FHOD3: variants seen among roughly 807,000 people sequenced by gnomAD.
FHOD3 encodes FH1/FH2 domain-containing protein 3.
A neutral mutation model predicts 173.0 loss-of-function variants in FHOD3; 90 were observed. The ratio of observed to expected loss-of-function variants is 0.52; its 90% CI spans 0.44 to 0.62. The LOEUF is 0.62. FHOD3 is among the 20% of genes least tolerant of loss of function. FHOD3 has a pLI of 0.00. For synonymous variants in FHOD3, 828 were observed against 823.0 expected (o/e 1.01, Z -0.10); for missense variants, 1,945 against 2,034.7 (o/e 0.96, Z 0.85).
intron 10 of FHOD3, among the ~76,000 whole-genome samples, chr18:36,637,620 C>T (rs2034985387): frequency 6.6e-6 from 1 of 152,172 alleles, no homozygotes. Context: ...GAACATGAAC[C>T]TTACAAAACA....
chr18:36,365,330 A>C (rs1271111621), intron 2 of FHOD3, among the ~76,000 whole-genome samples: 3 of 152,256 alleles, frequency 2.0e-5, no homozygotes, highest in Admixed American at 6.5e-5. Context: ...TGAAAACACA[A>C]GCCACAGAAT....
Position 36,726,688 on chromosome 18 carries a change from T to C in FHOD3, c.3418-3958T>C, listed in dbSNP as rs561743906. ...GTGCCTCTTTTTTTTCTTTTCTTTT[T>C]TTTTGAGATGGAGTCTCACTCTGTC... On this transcript the variant is annotated intron_variant, in intron 19 of 28. Transcript: ENST00000590592. Among the ~76,000 whole-genome samples, 13 of 152,314 alleles carry C rather than the reference T, an allele frequency of 8.5e-5. No homozygotes were observed. The South Asian group carries it at 2.7e-3, about 32-fold the overall frequency.
intron 18 of FHOD3, among the ~76,000 whole-genome samples, chr18:36,716,582 T>G (rs1285202640): frequency 6.6e-6 from 1 of 151,978 alleles, no homozygotes; most frequent in Non-Finnish European, 1.5e-5. Context: ...TCCAAGGACA[T>G]TTAAAGGTTA....
At chr18:36,743,612 G>A (rs2042014787) in intron 22 of FHOD3, among the ~76,000 whole-genome samples, 1 of 152,138 alleles carries the variant, frequency 6.6e-6, no homozygotes, top group African/African-American at 2.4e-5. Context: ...ATGTGCCCTG[G>A]TAGTTTGCTG....
chr18:36,659,848 C>G (rs2036664820), intron 14 of FHOD3, among the ~76,000 whole-genome samples: 1 of 152,212 alleles, frequency 6.6e-6, no homozygotes, highest in African/African-American at 2.4e-5. Context: ...ACTGGAATCC[C>G]AGGTCCAGGT....
chr18:36,493,215 T>A (rs1016975007), intron 3 of FHOD3, among the ~76,000 whole-genome samples: 7 of 29,456 alleles, frequency 2.4e-4, no homozygotes, highest in African/African-American at 8.0e-4. Flanking sequence ...TTCTTTTTCT[T>A]TTTTTTTTTT....
intron 1 of FHOD3, among the ~76,000 whole-genome samples, chr18:36,304,755 G>C (rs780554032): frequency 2.0e-5 from 3 of 152,226 alleles, no homozygotes; most frequent in Non-Finnish European, 4.4e-5. Context: ...TGCTAAGGTA[G>C]AGATATTATA....
intron 1 of FHOD3, among the ~76,000 whole-genome samples, chr18:36,304,198 G>A (rs544750111): frequency 8.5e-5 from 13 of 152,290 alleles, no homozygotes; most frequent in African/African-American, 2.6e-4. Flanking sequence ...TAACTTTAAA[G>A]TGTGATAATA....
chr18:36,695,516 A>G (rs1433532026), intron 17 of FHOD3, among the ~76,000 whole-genome samples: 1 of 152,208 alleles, frequency 6.6e-6, no homozygotes, highest in African/African-American at 2.4e-5. Flanking sequence ...TTCTAGCATC[A>G]TTTGATGTTG....
chr18:36,543,383 A>C (rs1459016334), intron 5 of FHOD3, among the ~76,000 whole-genome samples: 1 of 152,110 alleles, frequency 6.6e-6, no homozygotes, highest in Admixed American at 6.5e-5. Context: ...CCTTTCAGAG[A>C]GATCCACTAG....
At chr18:36,303,337 C>T (rs1362639339) in intron 1 of FHOD3, among the ~76,000 whole-genome samples, 1 of 152,146 alleles carries the variant, frequency 6.6e-6, no homozygotes, top group African/African-American at 2.4e-5. Context: ...CAGCAAAGCC[C>T]ATGCTCTCTG....
chr18:36,650,050 A>G (rs559744915), intron 11 of FHOD3, among the ~76,000 whole-genome samples: 1 of 152,332 alleles, frequency 6.6e-6, no homozygotes, highest in East Asian at 1.9e-4. Context: ...CACCTTGCAG[A>G]TATTTTAAAA....
At chr18:36,773,751 G>C (rs1489106801) in intron 28 of FHOD3, among the ~76,000 whole-genome samples, 2 of 152,100 alleles carry the variant, frequency 1.3e-5, no homozygotes, top group African/African-American at 4.8e-5. Context: ...CGACCCAACT[G>C]TCTGCTCTTT....
rs374554367 is a variant in FHOD3, at chr18:36,341,587, GA to G, written c.166-13945del. Among the ~76,000 whole-genome samples, 1,114 of 152,196 alleles carry G rather than the reference GA, an allele frequency of 7.3e-3. 9 individuals are homozygous for G. The highest frequency in any genetic ancestry group is 0.026 in the African/African-American group (1,065 of 41,522). On this transcript the variant is annotated intron_variant, in intron 1 of 28. Coordinates refer to ENST00000590592, the MANE Select transcript of FHOD3 (RefSeq NM_001281740.3). ...AATAGTAGTTTCATTCTGCTGGGGA[GA>G]AAAAAATGGAGATGGGGTCTTACCA...
chr18:36,731,556 C>T (rs1295224214), intron 20 of FHOD3, among the ~76,000 whole-genome samples: 1 of 152,242 alleles, frequency 6.6e-6, no homozygotes, highest in Non-Finnish European at 1.5e-5. Context: ...GGGGACACTG[C>T]TTTGTGGCAT....
intron 14 of FHOD3, among the ~76,000 whole-genome samples, chr18:36,665,623 G>A (rs116808360): frequency 7.9e-4 from 120 of 152,270 alleles, no homozygotes; most frequent in African/African-American, 2.6e-3. Flanking sequence ...AAAATGGAGC[G>A]AGTCCATATC....
At chr18:36,750,232 G>A (rs2042346236) in intron 24 of FHOD3, among the ~76,000 whole-genome samples, 1 of 152,152 alleles carries the variant, frequency 6.6e-6, no homozygotes, top group African/African-American at 2.4e-5. Context: ...AGCTTGCAGT[G>A]AGCCGAGACA....
chr18:36,365,683 C>T (rs997871260), intron 2 of FHOD3, among the ~76,000 whole-genome samples: 3 of 152,088 alleles, frequency 2.0e-5, no homozygotes, highest in African/African-American at 7.2e-5. Context: ...CTAAATTATA[C>T]CTCATTAAAG....
intron 13 of FHOD3, among the ~76,000 whole-genome samples, chr18:36,653,886 C>G (rs984829112): frequency 1.3e-5 from 2 of 152,182 alleles, no homozygotes; most frequent in African/African-American, 2.4e-5. Flanking sequence ...TATTACTTTA[C>G]CCTTGAGAGG....
Sources: gnomAD v4.1 joint callset for allele counts (sites outside exome capture counted in the v4.1 genomes callset) on GRCh38, gnomAD v4.1.1 for gene constraint, MANE v1.5 for transcripts, NCBI Gene and HGNC (gene_info 2026-07-23, HGNC 2026-07-21) for gene names.